SPTAN1: variants seen among roughly 807,000 people sequenced by gnomAD.
SPTAN1 encodes spectrin alpha, non-erythrocytic 1.
In SPTAN1, 61 loss-of-function variants were observed where a neutral mutation model predicts 331.3. The ratio of observed to expected loss-of-function variants is 0.18; its 90% CI spans 0.15 to 0.23. SPTAN1 has a LOEUF of 0.23. Ranked by LOEUF, SPTAN1 falls within the 10% of genes least tolerant of loss-of-function variation. The pLI is 1.00. For missense variants in SPTAN1, 2,043 were observed against 3,147.9 expected (o/e 0.65, Z 8.40); for synonymous variants, 1,153 against 1,173.9 (o/e 0.98, Z 0.36).
intron 40 of SPTAN1, among the ~76,000 whole-genome samples, chr9:128,614,968 C>T (rs1272719526): frequency 6.6e-6 from 1 of 152,188 alleles, no homozygotes; most frequent in Non-Finnish European, 1.5e-5. Flanking sequence ...TATGTTGACA[C>T]ATGTGATTAT....
chr9:128,604,271 T>TG, intron 28 of SPTAN1, 55 bp from the exon 29 acceptor site: 1 of 1,568,138 alleles, frequency 6.4e-7, no homozygotes, highest in East Asian at 2.2e-5. Flanking sequence ...AAAGTCTGAC[T>TG]GGGGGCATGA....
intron 34 of SPTAN1, 113 bp from the exon 35 acceptor site, chr9:128,608,761 G>C (rs978642431): frequency 4.6e-5 from 46 of 1,004,274 alleles, no homozygotes; most frequent in Non-Finnish European, 7.3e-5. Context: ...TTCTGATCCT[G>C]CCACCAGCTA....
intron 10 of SPTAN1, among the ~76,000 whole-genome samples, chr9:128,579,988 C>A (rs1851745610): frequency 6.6e-6 from 1 of 152,038 alleles, no homozygotes; most frequent in Admixed American, 6.6e-5. Context: ...GGAGCTGAGT[C>A]TTGCATTAGG....
intron 44 of SPTAN1, among the ~76,000 whole-genome samples, chr9:128,620,853 G>A (rs1247703819): frequency 6.6e-6 from 1 of 152,138 alleles, no homozygotes; most frequent in Non-Finnish European, 1.5e-5. Flanking sequence ...CCTCTTGGGG[G>A]AGAGACCATA....
chr9:128,555,345 T>G, intron 1 of SPTAN1: 1 of 1,289,260 alleles, frequency 7.8e-7, no homozygotes. Context: ...CCCTCCCTCT[T>G]TAGACTCCAC....
chr9:128,607,788 C>T lies in SPTAN1; in HGVS notation c.4147-64C>T, dbSNP rs188946441. ...CTCATTCCCACCCTTTGTGGTGAGT[C>T]GGTGGTTGACGTCAGAGTGGGCATC... On this transcript the variant is annotated intron_variant, in intron 32 of 56. Coordinates refer to ENST00000372739, the MANE Select transcript of SPTAN1 (RefSeq NM_001130438.3). 1.0e-4 allele frequency: 163 copies of T among 1,610,578 alleles called. 2 individuals are homozygous for T. The African/African-American group carries it at 1.9e-3, about 19-fold the overall frequency.
rs2131978917 is a variant in SPTAN1, at chr9:128,627,144, C to T, written c.6577-242C>T. 1 of 621,064 alleles carries T rather than the reference C, an allele frequency of 1.6e-6. No individual in the cohort carries two copies. The highest frequency in any genetic ancestry group is 3.0e-6 in the Non-Finnish European group (1 of 334,670). The allele number at this position is 621,064 out of a possible 1,614,324, so 38.5% of individuals were successfully genotyped here. ...TTCCATTTCTGACAGTCCAGCAACT[C>T]CCTGCTTGACTGACCAGTCGCTTCC... is the stretch of plus-strand genomic sequence containing the variant. On this transcript the variant is annotated intron_variant, in intron 49 of 56. Coordinates refer to ENST00000372739, the MANE Select transcript of SPTAN1 (RefSeq NM_001130438.3). This position sits in a 1 kb window ranked among gnomAD's most constrained non-coding sequence, Gnocchi z 4.9.
At chr9:128,588,726 G>C in intron 20 of SPTAN1, 83 bp from the exon 21 acceptor site, 1 of 1,575,664 alleles carries the variant, frequency 6.3e-7, no homozygotes, top group South Asian at 1.1e-5. Context: ...TGGTACAGCT[G>C]GTGGCATTTG....
Position 128,627,952 on chromosome 9 carries a change from G to A in SPTAN1, c.6707+10G>A, listed in dbSNP as rs374760508. The A allele has an allele frequency of 6.2e-7, 1 of 1,614,140 alleles. No homozygotes were observed. The highest frequency in any genetic ancestry group is 1.7e-5 in the Admixed American group (1 of 60,018). ...CATACCTCCTCGATGGGTTAATATTGTTTTCTTCCTTCTCTGGGCTTGTCA... is the reference window on the plus strand; with the variant it reads ...CATACCTCCTCGATGGGTTAATATTATTTTCTTCCTTCTCTGGGCTTGTCA... On this transcript the variant is annotated intron_variant, in intron 51 of 56. Transcript: ENST00000372739. This position sits in a 1 kb window ranked among gnomAD's most constrained non-coding sequence, Gnocchi z 4.9.
chr9:128,609,665 G>T lies in SPTAN1; in HGVS notation c.4773G>T (p.Leu1591=). 1 of 1,517,984 alleles carries T rather than the reference G, an allele frequency of 6.6e-7. No homozygotes were observed. 94.0% of individuals were successfully genotyped at this position (1,517,984 alleles called of 1,614,324 possible). A position where few individuals can be genotyped will look rare whatever the true frequency, so the allele number is the denominator to read the frequency against. The change falls in exon 37 of 57, where the codon CTG becomes CTT. Residue 1591 remains leucine, a splice_region_variant and synonymous_variant. Coordinates refer to ENST00000372739, the MANE Select transcript of SPTAN1 (RefSeq NM_001130438.3). ...DPTNIQLSKL[L]SKHQKHQAFE... ...TGTTTTTGTAGCTTTCCAAGCTGCTGGTAAGTTTTTAATTTTTTTAAGAGT... is the reference window on the plus strand; with the variant it reads ...TGTTTTTGTAGCTTTCCAAGCTGCTTGTAAGTTTTTAATTTTTTTAAGAGT...
Position 128,633,532 on chromosome 9 carries a change from T to G in SPTAN1, c.*198T>G. The G allele has an allele frequency of 9.1e-7, 1 of 1,103,532 alleles. No homozygotes were observed. Among genetic ancestry groups the G allele is most frequent in the Non-Finnish European group, 1.3e-6 (1 of 753,108 alleles). 68.4% of individuals were successfully genotyped at this position (1,103,532 alleles called of 1,614,324 possible). A position where few individuals can be genotyped will look rare whatever the true frequency, so the allele number is the denominator to read the frequency against. On this transcript the variant is annotated 3_prime_UTR_variant, in exon 57 of 57. Transcript: ENST00000372739. Reference sequence around the variant, plus strand: ...ATGTCACTGTGGGGACCCAGATCTGTGTCTTGAAGCAGCTGCCCTCATTCC... The same window carrying G: ...ATGTCACTGTGGGGACCCAGATCTGGGTCTTGAAGCAGCTGCCCTCATTCC...
intron 3 of SPTAN1, among the ~76,000 whole-genome samples, chr9:128,570,396 G>A (rs1170437204): frequency 7.0e-6 from 1 of 142,142 alleles, no homozygotes; most frequent in Non-Finnish European, 1.5e-5. Flanking sequence ...GGAGCAGAAT[G>A]GCAAGATCTC....
intron 23 of SPTAN1, 119 bp from the exon 24 acceptor site, chr9:128,594,056 A>G: frequency 6.4e-6 from 6 of 932,452 alleles, no homozygotes; most frequent in Non-Finnish European, 8.6e-6. Context: ...GGGCATCATC[A>G]TTACAAACTC....
In SPTAN1 at chr9:128,615,617, T is replaced by G. The variant is rs370741251; in HGVS notation, c.5149-15T>G. The G allele has an allele frequency of 6.2e-7, 1 of 1,613,712 alleles. No individual in the cohort carries two copies. The highest frequency in any genetic ancestry group is 1.7e-5 in the Admixed American group (1 of 60,008). ...GGAGACCCAGTTTCTGACCCTCTTA[T>G]GTCCCCTGCCCCAGGATCGCCTGAA... is the stretch of plus-strand genomic sequence containing the variant. On this transcript the variant is annotated splice_polypyrimidine_tract_variant and intron_variant, in intron 40 of 56. Coordinates refer to ENST00000372739, the MANE Select transcript of SPTAN1 (RefSeq NM_001130438.3).
At chr9:128,584,074 G>A in intron 16 of SPTAN1, 105 bp downstream of exon 16, 2 of 1,509,170 alleles carry the variant, frequency 1.3e-6, no homozygotes, top group Non-Finnish European at 1.8e-6. Flanking sequence ...GGGATGAAAT[G>A]TGTTGATTTT....
At chr9:128,554,941 G>A (rs1848476162) in intron 1 of SPTAN1, among the ~76,000 whole-genome samples, 1 of 152,210 alleles carries the variant, frequency 6.6e-6, no homozygotes. Flanking sequence ...TCTACTTTGT[G>A]GCAATTTCAT....
At chr9:128,581,360 C>T (rs1375367393) in intron 11 of SPTAN1, among the ~76,000 whole-genome samples, 2 of 151,424 alleles carry the variant, frequency 1.3e-5, no homozygotes, top group African/African-American at 4.9e-5. Context: ...GTAATCCCAG[C>T]ACTTTGGGAG....
intron 31 of SPTAN1, among the ~76,000 whole-genome samples, 186 bp from the exon 32 acceptor site, chr9:128,607,418 C>T (rs370856065): frequency 7.2e-5 from 11 of 152,204 alleles, no homozygotes; most frequent in East Asian, 5.8e-4. Context: ...CTGAGAAATT[C>T]GGACTTTTAA....
chr9:128,552,629 C>A lies in SPTAN1; in HGVS notation c.-71C>A, dbSNP rs886063497. On this transcript the variant is annotated 5_prime_UTR_variant, in exon 1 of 57. Coordinates refer to ENST00000372739, the MANE Select transcript of SPTAN1 (RefSeq NM_001130438.3). This position sits in a 1 kb window ranked among gnomAD's most constrained non-coding sequence, Gnocchi z 4.6. Reference sequence around the variant, plus strand: ...AGTGAACGGTGTGGAGCGGAGGCCGCGGAGGCTCCTCGGTCCTTCAGCACC... The same window carrying A: ...AGTGAACGGTGTGGAGCGGAGGCCGAGGAGGCTCCTCGGTCCTTCAGCACC... 1 of 151,606 alleles carries A rather than the reference C, an allele frequency of 6.6e-6. No individual in the cohort carries two copies. Among genetic ancestry groups the A allele is most frequent in the Non-Finnish European group, 1.5e-5 (1 of 67,854 alleles). The allele number at this position is 151,606 out of a possible 1,614,324, so 9.4% of individuals were successfully genotyped here. A position where few individuals can be genotyped will look rare whatever the true frequency, so the allele number is the denominator to read the frequency against.
Sources: allele counts gnomAD v4.1 joint callset (sites outside exome capture counted in the v4.1 genomes callset), GRCh38; gene constraint gnomAD v4.1.1; non-coding constraint Gnocchi (gnomAD v3.1); transcripts MANE v1.5; gene names NCBI Gene and HGNC (gene_info 2026-07-23, HGNC 2026-07-21).